EXOC6B: variants seen among roughly 807,000 people sequenced by gnomAD.
EXOC6B encodes exocyst complex component 6B, also known as SEC15 homolog B.
EXOC6B carries 54 observed loss-of-function variants against 113.5 expected under a neutral mutation model. The ratio of observed to expected loss-of-function variants is 0.48; its 90% CI spans 0.38 to 0.60. EXOC6B has a LOEUF of 0.60. Ranked by LOEUF, EXOC6B falls within the 20% of genes least tolerant of loss-of-function variation. The pLI is 0.00. For synonymous variants in EXOC6B, 357 were observed against 339.0 expected (o/e 1.05, Z -0.58); for missense variants, 797 against 977.5 (o/e 0.82, Z 2.46).
chr2:72,295,257 A>T (rs1558530875), intron 20 of EXOC6B, among the ~76,000 whole-genome samples: 1 of 151,244 alleles, frequency 6.6e-6, no homozygotes, highest in Non-Finnish European at 1.5e-5. Context: ...AAATACTCAG[A>T]CCTCAAGATG....
At chr2:72,459,098 C>A (rs1697448785) in intron 18 of EXOC6B, among the ~76,000 whole-genome samples, 1 of 152,044 alleles carries the variant, frequency 6.6e-6, no homozygotes, top group African/African-American at 2.4e-5. Flanking sequence ...GAACCAAAGA[C>A]AAAAACCACA....
chr2:72,356,172 A>G (rs1406468611), intron 19 of EXOC6B, among the ~76,000 whole-genome samples: 2 of 152,194 alleles, frequency 1.3e-5, no homozygotes, highest in Non-Finnish European at 2.9e-5. Context: ...TTTAAAATAC[A>G]TTTCTACTAG....
At chr2:72,266,882 C>T (rs992696693) in intron 20 of EXOC6B, among the ~76,000 whole-genome samples, 34 of 152,154 alleles carry the variant, frequency 2.2e-4, no homozygotes, top group African/African-American at 8.0e-4. Context: ...TTCTTCCTAC[C>T]CATGAGCATA....
chr2:72,532,683 CT>C (rs1399893029), intron 8 of EXOC6B, among the ~76,000 whole-genome samples: 2 of 152,050 alleles, frequency 1.3e-5, no homozygotes, highest in African/African-American at 4.8e-5. Context: ...TGGCGCGCGC[CT>C]GTAATCACAG....
chr2:72,261,789 C>A (rs1292059856), intron 20 of EXOC6B, among the ~76,000 whole-genome samples: 1 of 152,074 alleles, frequency 6.6e-6, no homozygotes, highest in Non-Finnish European at 1.5e-5. Context: ...TAAAATATCC[C>A]AAGTTCTTTT....
chr2:72,718,421 A>G, intron 5 of EXOC6B, 114 bp from the exon 6 acceptor site: 1 of 645,306 alleles, frequency 1.5e-6, no homozygotes, highest in Non-Finnish European at 2.6e-6. Flanking sequence ...ATGAAGTTTT[A>G]ATGAGAACAT....
At chr2:72,456,347 A>C (rs1490071003) in intron 18 of EXOC6B, among the ~76,000 whole-genome samples, 2 of 152,174 alleles carry the variant, frequency 1.3e-5, no homozygotes, top group African/African-American at 4.8e-5. Context: ...TTTTAATGAC[A>C]TATGACTCAA....
chr2:72,423,701 T>C (rs1695036619), intron 18 of EXOC6B, among the ~76,000 whole-genome samples: 1 of 152,122 alleles, frequency 6.6e-6, no homozygotes, highest in African/African-American at 2.4e-5. Context: ...AAACATCTAC[T>C]CACACATACA....
chr2:72,210,587 C>T (rs1179839269), intron 20 of EXOC6B, among the ~76,000 whole-genome samples: 1 of 152,208 alleles, frequency 6.6e-6, no homozygotes, highest in Non-Finnish European at 1.5e-5. Flanking sequence ...TTCCAGGATA[C>T]CTACCTTCCC....
At chr2:72,221,720 T>C (rs1038419991) in intron 20 of EXOC6B, among the ~76,000 whole-genome samples, 1 of 152,142 alleles carries the variant, frequency 6.6e-6, no homozygotes, top group Admixed American at 6.6e-5. Flanking sequence ...GGTGAATAAG[T>C]GAATGAATGA....
chr2:72,719,134 C>G (rs1465415828), intron 5 of EXOC6B, among the ~76,000 whole-genome samples: 1 of 152,190 alleles, frequency 6.6e-6, no homozygotes, highest in African/African-American at 2.4e-5. Flanking sequence ...CACCCTCCCC[C>G]TCTAATTCCT....
At chr2:72,486,143 G>A (rs1055011278) in intron 16 of EXOC6B, among the ~76,000 whole-genome samples, 4 of 152,074 alleles carry the variant, frequency 2.6e-5, no homozygotes, top group Non-Finnish European at 4.4e-5. Flanking sequence ...GCTGAGGCGG[G>A]TGGATCACCT....
Position 72,198,721 on chromosome 2 carries a change from T to C in EXOC6B, c.2197-14534A>G, listed in dbSNP as rs4140749. Reference sequence around the variant, plus strand: ...GAGCTCAGGTCTGCACTGTTCCCCATAACTGTTCTCATTCCAAACAAAAGC... The same window carrying C: ...GAGCTCAGGTCTGCACTGTTCCCCACAACTGTTCTCATTCCAAACAAAAGC... On this transcript the variant is annotated intron_variant, in intron 20 of 21. Coordinates refer to ENST00000272427, the MANE Select transcript of EXOC6B (RefSeq NM_015189.3). Among the ~76,000 whole-genome samples the C allele has an allele frequency of 6.6e-4, 100 of 152,328 alleles. No individual in the cohort carries two copies. In the East Asian group the frequency reaches 8.3e-3, roughly 13 times the overall value.
At chr2:72,600,212 A>G (rs1670327532) in intron 6 of EXOC6B, among the ~76,000 whole-genome samples, 1 of 152,124 alleles carries the variant, frequency 6.6e-6, no homozygotes, top group African/African-American at 2.4e-5. Flanking sequence ...AGGCCGAGGC[A>G]GGCAGACTGC....
At chr2:72,431,515 A>C (rs545251610) in intron 18 of EXOC6B, among the ~76,000 whole-genome samples, 1 of 150,218 alleles carries the variant, frequency 6.7e-6, no homozygotes, top group African/African-American at 2.5e-5. Context: ...CTATCTATCT[A>C]TCTATCTATC....
intron 18 of EXOC6B, among the ~76,000 whole-genome samples, chr2:72,437,215 T>A (rs900446323): frequency 1.3e-5 from 2 of 152,210 alleles, no homozygotes; most frequent in African/African-American, 4.8e-5. Context: ...TGCCTGGGTA[T>A]CACCAGCAGA....
rs1023654999 is a variant in EXOC6B, at chr2:72,825,502, C to T, written c.113+296G>A. On this transcript the variant is annotated intron_variant, in intron 1 of 21. Transcript: ENST00000272427. This position sits in a 1 kb window ranked among gnomAD's most constrained non-coding sequence, Gnocchi z 4.4. ...GGGAAGATCTGCCGGGAGCCACCACCATCTGTCGGGCGCCCTCTCGTTCCC... is the reference window on the plus strand; with the variant it reads ...GGGAAGATCTGCCGGGAGCCACCACTATCTGTCGGGCGCCCTCTCGTTCCC... Among the ~76,000 whole-genome samples, 1 of 152,218 alleles carries T rather than the reference C, an allele frequency of 6.6e-6. No individual in the cohort carries two copies. Among genetic ancestry groups the T allele is most frequent in the Admixed American group, 6.5e-5 (1 of 15,280 alleles).
chr2:72,485,944 A>C (rs926209027), intron 16 of EXOC6B, among the ~76,000 whole-genome samples: 2 of 152,248 alleles, frequency 1.3e-5, no homozygotes, highest in Admixed American at 6.5e-5. Flanking sequence ...TTCTTTCTAC[A>C]TATTATAAAT....
chr2:72,297,903 T>C (rs1229898482), intron 20 of EXOC6B, among the ~76,000 whole-genome samples: 5 of 152,160 alleles, frequency 3.3e-5, no homozygotes, highest in Non-Finnish European at 7.3e-5. Context: ...AGTGTTTATT[T>C]CCAATTATGT....
Sources: allele counts gnomAD v4.1 joint callset (sites outside exome capture counted in the v4.1 genomes callset), GRCh38; gene constraint gnomAD v4.1.1; non-coding constraint Gnocchi (gnomAD v3.1); transcripts MANE v1.5; gene names NCBI Gene and HGNC (gene_info 2026-07-23, HGNC 2026-07-21).